Variants in APBA2 observed in about 807,000 individuals in gnomAD.
APBA2 encodes the protein amyloid-beta A4 precursor protein-binding family A member 2.
APBA2 carries 30 observed loss-of-function variants against 75.0 expected under a neutral mutation model. That is an observed-to-expected ratio of 0.40 (90% CI 0.30 to 0.54). The LOEUF is 0.54. Ranked by LOEUF, APBA2 falls within the 20% of genes least tolerant of loss-of-function variation. APBA2 has a pLI of 0.49. For missense variants in APBA2, 801 were observed against 1,016.1 expected, an observed-to-expected ratio of 0.79 and a Z score of 2.88; for synonymous variants, 444 against 409.6, an observed-to-expected ratio of 1.08 and a Z score of -1.01.
intron 3 of APBA2, among the ~76,000 whole-genome samples, chr15:29,019,422 C>G (rs1255594241): frequency 6.6e-6 from 1 of 152,228 alleles, no homozygotes; most frequent in African/African-American, 2.4e-5. Flanking sequence ...GAAGAAAATT[C>G]AGACATCAGA....
chr15:29,023,867 G>A (rs1016705782), intron 3 of APBA2, among the ~76,000 whole-genome samples: 3 of 150,694 alleles, frequency 2.0e-5, no homozygotes, highest in Non-Finnish European at 4.4e-5. Context: ...TTTGTTGTTA[G>A]CATTTTATTA....
intron 3 of APBA2, among the ~76,000 whole-genome samples, chr15:29,020,744 A>G (rs2152829518): frequency 6.6e-6 from 1 of 152,092 alleles, no homozygotes; most frequent in Middle Eastern, 3.4e-3. Context: ...CGGGAGGCAG[A>G]GGTTGCAATG....
chr15:29,016,271 A>G (rs66837292), intron 3 of APBA2, among the ~76,000 whole-genome samples: 12,721 of 152,202 alleles, frequency 0.084, 843 homozygotes, highest in East Asian at 0.22. Context: ...ACAAACAAAC[A>G]AGCAGACAAA....
intron 2 of APBA2, among the ~76,000 whole-genome samples, chr15:28,994,546 G>A (rs1212484819): frequency 6.6e-6 from 1 of 152,110 alleles, no homozygotes; most frequent in Non-Finnish European, 1.5e-5. Context: ...CTCCCTTAAC[G>A]GGTAGCTTGT....
intron 3 of APBA2, among the ~76,000 whole-genome samples, chr15:29,031,064 G>T (rs993714992): frequency 6.6e-6 from 1 of 151,756 alleles, no homozygotes; most frequent in East Asian, 1.9e-4. Flanking sequence ...GATTAATATT[G>T]CCATATGAGC....
chr15:28,985,426 C>A (rs2037868412), intron 2 of APBA2, among the ~76,000 whole-genome samples: 1 of 152,186 alleles, frequency 6.6e-6, no homozygotes, highest in Non-Finnish European at 1.5e-5. Context: ...GGTCAGAGAG[C>A]ACTGAAAGGA....
intron 2 of APBA2, among the ~76,000 whole-genome samples, chr15:28,986,775 A>G (rs1486696471): frequency 6.6e-6 from 1 of 152,060 alleles, no homozygotes; most frequent in Non-Finnish European, 1.5e-5. Flanking sequence ...TCCCCTTCTT[A>G]TTTTTATGTT....
At chr15:28,901,018 A>G (rs1252931171) in intron 1 of APBA2, among the ~76,000 whole-genome samples, 1 of 152,044 alleles carries the variant, frequency 6.6e-6, no homozygotes, top group Non-Finnish European at 1.5e-5. Flanking sequence ...AATGGTTTCA[A>G]CAGCTCCACA....
intron 3 of APBA2, among the ~76,000 whole-genome samples, chr15:29,045,353 G>A (rs2041269970): frequency 6.6e-6 from 1 of 150,920 alleles, no homozygotes; most frequent in Admixed American, 6.6e-5. Flanking sequence ...GCCTCCCAAA[G>A]TGTTGGGATT....
intron 2 of APBA2, among the ~76,000 whole-genome samples, chr15:28,983,759 T>C (rs1372218348): frequency 1.3e-5 from 2 of 152,196 alleles, no homozygotes; most frequent in Middle Eastern, 3.2e-3. Context: ...CGCTCCTTAG[T>C]AGCCCAAGAC....
At chr15:28,950,271 A>T (rs1173129945) in intron 2 of APBA2, among the ~76,000 whole-genome samples, 1 of 152,196 alleles carries the variant, frequency 6.6e-6, no homozygotes, top group Non-Finnish European at 1.5e-5. Flanking sequence ...TATGACTCAT[A>T]ACTATCGATG....
At chr15:28,891,117 A>G (rs570700491) in intron 1 of APBA2, among the ~76,000 whole-genome samples, 1 of 152,234 alleles carries the variant, frequency 6.6e-6, no homozygotes, top group Admixed American at 6.5e-5. Flanking sequence ...GATGGTTTTG[A>G]TGGCGAAACC....
intron 2 of APBA2, among the ~76,000 whole-genome samples, chr15:28,952,432 A>G (rs920896107): frequency 2.6e-5 from 4 of 152,102 alleles, no homozygotes; most frequent in Non-Finnish European, 5.9e-5. Flanking sequence ...CGTGGGAGGC[A>G]GAGGCAAGAG....
intron 5 of APBA2, among the ~76,000 whole-genome samples, chr15:29,075,254 A>G (rs957973279): frequency 2.6e-5 from 4 of 152,080 alleles, no homozygotes; most frequent in South Asian, 2.1e-4. Context: ...TGTGTTGCAG[A>G]TGGTGTGTGT....
At position 29,105,420 on chromosome 15, in the gene APBA2, G is replaced by C. The variant is rs547746986; in HGVS notation, c.1566G>C (p.Val522=). 6.2e-7 allele frequency: 1 copy of C among 1,613,158 alleles called. No individual in the cohort carries two copies. Among genetic ancestry groups the C allele is most frequent in the African/African-American group, 1.3e-5 (1 of 75,050 alleles). The change falls in exon 11 of 15, where the codon GTG becomes GTC. Residue 522 remains valine, a synonymous_variant. Coordinates refer to ENST00000683413, the MANE Select transcript of APBA2 (RefSeq NM_001353788.2). ...IAQSIGQAFS[V]AYQEFLRANG... ...AGTCTATCGGCCAGGCCTTCAGCGT[G>C]GCCTACCAGGAGTTCCTGCGAGCCA...
chr15:29,103,071 G>T (rs577987265), intron 10 of APBA2, among the ~76,000 whole-genome samples: 3 of 152,338 alleles, frequency 2.0e-5, no homozygotes, highest in Admixed American at 2.0e-4. Flanking sequence ...ACCTGGATGG[G>T]TATTTCTGTG....
chr15:28,996,264 G>T (rs1441407634), intron 3 of APBA2, among the ~76,000 whole-genome samples: 1 of 152,180 alleles, frequency 6.6e-6, no homozygotes, highest in Non-Finnish European at 1.5e-5. Flanking sequence ...GGCAGTGGCT[G>T]GTCTACTTTG....
At chr15:29,048,652 A>C (rs1351033317) in intron 3 of APBA2, among the ~76,000 whole-genome samples, 2 of 151,982 alleles carry the variant, frequency 1.3e-5, no homozygotes, top group African/African-American at 4.8e-5. Context: ...TTAGTGTATG[A>C]TGGCTGGGCG....
chr15:29,046,296 G>A lies in APBA2; in HGVS notation c.-40-7549G>A, dbSNP rs182747173. Among the ~76,000 whole-genome samples the A allele has an allele frequency of 1.1e-3, 167 of 152,240 alleles. 1 individual carries two copies. Among genetic ancestry groups the A allele is most frequent in the African/African-American group, 3.9e-3 (162 of 41,520 alleles). On this transcript the variant is annotated intron_variant, in intron 3 of 14. Coordinates refer to ENST00000683413, the MANE Select transcript of APBA2 (RefSeq NM_001353788.2). This position sits in a 1 kb window ranked among gnomAD's most constrained non-coding sequence, Gnocchi z 5.0. ...ACCACTTGTTTCTACCTACGTTTTT[G>A]CCCACCTTTCCTTCTCACCTCCCCT...
Sources: allele counts gnomAD v4.1 joint callset (sites outside exome capture counted in the v4.1 genomes callset), GRCh38; gene constraint gnomAD v4.1.1; non-coding constraint Gnocchi (gnomAD v3.1); transcripts MANE v1.5; gene names NCBI Gene and HGNC (gene_info 2026-07-23, HGNC 2026-07-21).